PCDH15: variants seen among roughly 807,000 people sequenced by gnomAD.
The protein encoded by PCDH15 is protocadherin-15.
Under a neutral mutation model 178.5 loss-of-function variants are expected in PCDH15, and 129 were observed. The ratio of observed to expected loss-of-function variants is 0.72; its 90% CI spans 0.63 to 0.84. The LOEUF is 0.84. Among genes scored for constraint, PCDH15 ranks in the 40% least tolerant of loss-of-function variants. The probability of loss-of-function intolerance (pLI) is 0.00; values close to 1 mark genes in which losing one functional copy is unlikely to be tolerated. For synonymous variants in PCDH15, 800 were observed against 732.0 expected, an observed-to-expected ratio of 1.09 and a Z score of -1.50; for missense variants, 2,230 against 2,099.9, an observed-to-expected ratio of 1.06 and a Z score of -1.21.
chr10:53,947,548 G>A (rs1474195429), intron 23 of PCDH15, among the ~76,000 whole-genome samples: 1 of 151,208 alleles, frequency 6.6e-6, no homozygotes, highest in Non-Finnish European at 1.5e-5. Context: ...AATGGGAAGG[G>A]AAGAATAAAA....
intron 2 of PCDH15, among the ~76,000 whole-genome samples, chr10:54,937,024 C>T (rs1837923967): frequency 6.6e-6 from 1 of 151,948 alleles, no homozygotes; most frequent in South Asian, 2.1e-4. Flanking sequence ...TTTTGTGCAT[C>T]GCGTAAGGAA....
intron 8 of PCDH15, among the ~76,000 whole-genome samples, chr10:54,265,189 A>G (rs1388456118): frequency 6.6e-6 from 1 of 152,146 alleles, no homozygotes; most frequent in East Asian, 1.9e-4. Flanking sequence ...AGAGAAATGG[A>G]GTCTTTCTGA....
chr10:55,537,130 A>G (rs1841595571), intron 2 of PCDH15, among the ~76,000 whole-genome samples: 1 of 152,150 alleles, frequency 6.6e-6, no homozygotes, highest in Admixed American at 6.5e-5. Flanking sequence ...CGAGACTAAA[A>G]ATTATTAATG....
Position 53,990,863 on chromosome 10 carries a change from G to A in PCDH15, c.2868+4786C>T, listed in dbSNP as rs946484669. On this transcript the variant is annotated intron_variant, in intron 21 of 37. Transcript: ENST00000644397. ...GTGCATGGTGCTTGTGGGCCAGCAC[G>A]AGTTCCAGGTGGGTGTGGGCTTGGC... 2.0e-5 allele frequency among the ~76,000 whole-genome samples: 3 copies of A among 152,206 alleles called. No individual in the cohort carries two copies. In the East Asian group the frequency reaches 5.8e-4, roughly 30 times the overall value.
At chr10:55,318,018 A>AG (rs1843773267) in intron 1 of PCDH15, among the ~76,000 whole-genome samples, 1 of 152,192 alleles carries the variant, frequency 6.6e-6, no homozygotes, top group South Asian at 2.1e-4. Context: ...TCTTAGTGAA[A>AG]GATCAGAAGC....
chr10:53,866,279 C>T (rs1348187495), intron 27 of PCDH15, among the ~76,000 whole-genome samples: 1 of 151,860 alleles, frequency 6.6e-6, no homozygotes, highest in Non-Finnish European at 1.5e-5. Flanking sequence ...CTCTGTGAAG[C>T]ATTTAAAATT....
chr10:54,352,989 A>G (rs532209133), intron 5 of PCDH15, among the ~76,000 whole-genome samples: 1 of 152,162 alleles, frequency 6.6e-6, no homozygotes, highest in South Asian at 2.1e-4. Flanking sequence ...TAAACCAAAG[A>G]TTCTCCACAC....
chr10:54,960,715 A>G (rs1234617204), intron 2 of PCDH15, among the ~76,000 whole-genome samples: 3 of 152,224 alleles, frequency 2.0e-5, no homozygotes, highest in Admixed American at 1.3e-4. Flanking sequence ...ATTTGTACCT[A>G]TAGTAGAAAT....
At chr10:54,140,677 C>T (rs1278840761) in intron 14 of PCDH15, among the ~76,000 whole-genome samples, 2 of 151,762 alleles carry the variant, frequency 1.3e-5, no homozygotes, top group South Asian at 2.1e-4. Context: ...CCATGTTGGT[C>T]ATGATGGTCT....
intron 2 of PCDH15, among the ~76,000 whole-genome samples, chr10:55,007,846 G>T (rs927768663): frequency 6.6e-6 from 1 of 151,812 alleles, no homozygotes. Flanking sequence ...TAAGGGGAGA[G>T]GACTGTTTAA....
At chr10:55,178,239 A>C (rs1839549514) in intron 1 of PCDH15, among the ~76,000 whole-genome samples, 1 of 152,158 alleles carries the variant, frequency 6.6e-6, no homozygotes, top group South Asian at 2.1e-4. Flanking sequence ...GCCAAGGGAA[A>C]TACATTGGCA....
chr10:55,594,888 CTG>C (rs1842909315), intron 2 of PCDH15, among the ~76,000 whole-genome samples: 1 of 151,960 alleles, frequency 6.6e-6, no homozygotes, highest in South Asian at 2.1e-4. Flanking sequence ...AATATGGAGA[CTG>C]TAACAAAATT....
intron 26 of PCDH15, among the ~76,000 whole-genome samples, chr10:53,898,007 C>A: frequency 7.9e-6 from 1 of 127,322 alleles, no homozygotes; most frequent in South Asian, 2.5e-4. Flanking sequence ...CGCTCTGTCG[C>A]CCAGGCTGGA....
At chr10:55,243,315 C>T (rs1359126253) in intron 1 of PCDH15, among the ~76,000 whole-genome samples, 1 of 152,058 alleles carries the variant, frequency 6.6e-6, no homozygotes, top group African/African-American at 2.4e-5. Context: ...TAAATGCAGA[C>T]AGGGAATTGC....
At position 54,731,541 on chromosome 10, in the gene PCDH15, GATAGATAT is replaced by G. The variant is rs1285992092; in HGVS notation, c.-28-67259_-28-67252del. On this transcript the variant is annotated intron_variant, in intron 1 of 37. Coordinates refer to ENST00000644397, the MANE Select transcript of PCDH15 (RefSeq NM_001384140.1). ...CCATCAATGAATAAAGAAAATGTGA[GATAGATAT>G]ATATATATATATATACACACACACA... Among the ~76,000 whole-genome samples the G allele has an allele frequency of 7.8e-4, 53 of 68,346 alleles. 4 individuals are homozygous for G. Among genetic ancestry groups the G allele is most frequent in the South Asian group, 1.7e-3 (3 of 1,792 alleles). 44.8% of individuals were successfully genotyped at this position (68,346 alleles called of 152,430 possible). A position where few individuals can be genotyped will look rare whatever the true frequency, so the allele number is the denominator to read the frequency against.
chr10:54,188,539 T>C (rs1223874237), intron 11 of PCDH15, among the ~76,000 whole-genome samples: 3 of 151,888 alleles, frequency 2.0e-5, no homozygotes, highest in South Asian at 4.1e-4. Context: ...AGTCAGTATA[T>C]ACCAAAAGTA....
At chr10:54,208,027 T>C (rs2051002979) in intron 10 of PCDH15, among the ~76,000 whole-genome samples, 1 of 152,044 alleles carries the variant, frequency 6.6e-6, no homozygotes, top group South Asian at 2.1e-4. Context: ...GTTAGTTGGA[T>C]GCTATGACAT....
chr10:55,559,210 T>C (rs1048136702), intron 2 of PCDH15, among the ~76,000 whole-genome samples: 4 of 152,156 alleles, frequency 2.6e-5, no homozygotes, highest in Admixed American at 2.6e-4. Flanking sequence ...GAACCAAATG[T>C]ATACCAATAT....
intron 8 of PCDH15, among the ~76,000 whole-genome samples, chr10:54,289,486 T>C (rs1447318237): frequency 6.6e-6 from 1 of 152,016 alleles, no homozygotes; most frequent in African/African-American, 2.4e-5. Flanking sequence ...GAGTGCCTCT[T>C]CTCCTCCAAA....
Sources: allele counts gnomAD v4.1 joint callset (sites outside exome capture counted in the v4.1 genomes callset), GRCh38; gene constraint gnomAD v4.1.1; transcripts MANE v1.5; gene names NCBI Gene and HGNC (gene_info 2026-07-23, HGNC 2026-07-21).